Variants in PDZD2 observed in about 807,000 individuals in gnomAD.
PDZD2 encodes PDZ domain containing 2, also known as PDZ domain-containing protein 2.
Under a neutral mutation model 220.7 loss-of-function variants are expected in PDZD2, and 90 were observed. That is an observed-to-expected ratio of 0.41 (90% CI 0.34 to 0.49). The LOEUF is 0.49. Among genes scored for constraint, PDZD2 ranks in the 20% least tolerant of loss-of-function variants. The pLI is 0.28. For missense variants in PDZD2, 3,174 were observed against 3,608.5 expected, an observed-to-expected ratio of 0.88 and a Z score of 3.08; for synonymous variants, 1,375 against 1,450.5, an observed-to-expected ratio of 0.95 and a Z score of 1.18.
chr5:31,748,849 G>A (rs915810102), intron 1 of PDZD2, among the ~76,000 whole-genome samples: 3 of 152,200 alleles, frequency 2.0e-5, no homozygotes, highest in Non-Finnish European at 4.4e-5. Context: ...AGGTTACCTG[G>A]GCATTGCAAT....
rs1228710152 is a variant in PDZD2 at position 32,087,667 on chromosome 5, T to A, written c.4219T>A (p.Cys1407Ser). The A allele has an allele frequency of 6.2e-7, 1 of 1,614,054 alleles. No individual in the cohort carries two copies. Among genetic ancestry groups the A allele is most frequent in the Non-Finnish European group, 8.5e-7 (1 of 1,180,030 alleles). ...ATCCACTGACAACACCAAAGAAGCA[T>A]GTGGCCATGTCTCGGGGCACTGCTG... ...LPSTDNTKEA[C>S]GHVSGHCCPG... Residue 1407 changes from cysteine to serine, a missense_variant, in exon 20 of 25, where the codon TGT becomes AGT. Transcript: ENST00000438447. The surrounding 1 kb of genome is among the most constrained non-coding windows in gnomAD (Gnocchi z 4.0).
At position 32,090,361 on chromosome 5, in the gene PDZD2, A is replaced by G; in HGVS notation, c.6913A>G (p.Ser2305Gly). 2 of 1,614,204 alleles carry G rather than the reference A, an allele frequency of 1.2e-6. No homozygotes were observed. Among genetic ancestry groups the G allele is most frequent in the South Asian group, 2.2e-5 (2 of 91,086 alleles). ...EGDIISVQET[S>G]CLVTDKIKVT... ...GGATATCATTTCAGTCCAGGAGACGAGCTGCCTAGTCACAGACAAAATCAA... is the reference window on the plus strand; with the variant it reads ...GGATATCATTTCAGTCCAGGAGACGGGCTGCCTAGTCACAGACAAAATCAA... Residue 2305 changes from serine (S) to glycine (G), a missense_variant, in exon 20 of 25, where the codon AGC becomes GGC. Physicochemically the swap from Ser to Gly is moderately conservative, Grantham distance 56. This residue lies in a region of PDZD2 where 631 missense variants were observed against 789.9 expected (regional missense o/e 0.80). Transcript: ENST00000438447. This position sits in a 1 kb window ranked among gnomAD's most constrained non-coding sequence, Gnocchi z 4.3.
chr5:32,106,758 A>C (rs1401953210), intron 24 of PDZD2, among the ~76,000 whole-genome samples: 2 of 152,208 alleles, frequency 1.3e-5, no homozygotes, highest in African/African-American at 4.8e-5. Context: ...GACATTGGGT[A>C]CTAAGTTAAC....
chr5:32,017,800 G>A (rs954116733), intron 6 of PDZD2, among the ~76,000 whole-genome samples: 3 of 152,198 alleles, frequency 2.0e-5, no homozygotes, highest in Admixed American at 6.5e-5. Context: ...GGGAGTTGGT[G>A]AAGAAATAAG....
At chr5:31,847,827 G>T (rs1757675946) in intron 2 of PDZD2, 2 of 555,438 alleles carry the variant, frequency 3.6e-6, no homozygotes, top group Non-Finnish European at 7.1e-6. Context: ...CTGAAAGCAA[G>T]GAACTTAATG....
In PDZD2 at chr5:31,681,544, G is replaced by A. The variant is rs544873206; in HGVS notation, c.-361+42107G>A. ...ATTACAGGCGTGAGCCTATACATAT[G>A]TATAGGTTCCTCATATACATATACA... On this transcript the variant is annotated intron_variant, in intron 1 of 24. Transcript: ENST00000438447. 2.0e-4 allele frequency among the ~76,000 whole-genome samples: 30 copies of A among 151,908 alleles called. 1 individual carries two copies. In the South Asian group the frequency reaches 6.2e-3, roughly 32 times the overall value.
At chr5:32,021,862 G>T (rs1300968436) in intron 6 of PDZD2, among the ~76,000 whole-genome samples, 1 of 152,188 alleles carries the variant, frequency 6.6e-6, no homozygotes, top group Non-Finnish European at 1.5e-5. Flanking sequence ...GGTGGCCTTT[G>T]TGTCACCCAC....
At position 32,089,182 on chromosome 5, in the gene PDZD2, G is replaced by A; in HGVS notation, c.5734G>A (p.Asp1912Asn). 6.2e-7 allele frequency: 1 copy of A among 1,614,114 alleles called. No individual in the cohort carries two copies. The change falls in exon 20 of 25, where the codon GAC becomes AAC. Residue 1912 changes from aspartate (D) to asparagine (N), a missense_variant. Physicochemically the swap from Asp to Asn is conservative, Grantham distance 23 (BLOSUM62 1). This residue lies in a region of PDZD2 where 1,861 missense variants were observed against 2,001.0 expected (regional missense o/e 0.93). Transcript: ENST00000438447. ...GAATGCTGTGAAGGCTGGGGGGACG[G>A]ACCACAGGAAACCCTTGATCTCACC... ...AANAVKAGGTDHRKPLISPQT... is the reference protein window; with the variant it reads ...AANAVKAGGTNHRKPLISPQT...
chr5:32,102,505 T>C (rs927359360), intron 24 of PDZD2, among the ~76,000 whole-genome samples: 1 of 151,552 alleles, frequency 6.6e-6, no homozygotes, highest in Non-Finnish European at 1.5e-5. Flanking sequence ...GTCTCTGTTA[T>C]GTGTGAACCT....
chr5:31,999,359 A>G (rs866411930), intron 4 of PDZD2, among the ~76,000 whole-genome samples: 40 of 151,302 alleles, frequency 2.6e-4, no homozygotes, highest in Admixed American at 8.6e-4. Flanking sequence ...GATGAAAAAG[A>G]AGCAGAAACC....
chr5:31,676,275 C>T (rs1341703999), intron 1 of PDZD2, among the ~76,000 whole-genome samples: 1 of 152,072 alleles, frequency 6.6e-6, no homozygotes, highest in Non-Finnish European at 1.5e-5. Flanking sequence ...CAGTATGATC[C>T]CTGTATTTCA....
At chr5:31,754,218 C>T (rs1156810908) in intron 1 of PDZD2, 1 of 152,224 alleles carries the variant, frequency 6.6e-6, no homozygotes, top group Non-Finnish European at 1.5e-5. Flanking sequence ...ACTCATTGAT[C>T]CTCGCGCCCT....
intron 1 of PDZD2, among the ~76,000 whole-genome samples, chr5:31,674,704 T>C (rs939316556): frequency 6.6e-6 from 1 of 152,064 alleles, no homozygotes; most frequent in Non-Finnish European, 1.5e-5. Flanking sequence ...AATGTGTAAG[T>C]TGGAGAGGGA....
At chr5:31,993,300 T>C (rs888340326) in intron 3 of PDZD2, among the ~76,000 whole-genome samples, 6 of 152,198 alleles carry the variant, frequency 3.9e-5, no homozygotes, top group African/African-American at 1.2e-4. Context: ...CAGGCTTCAT[T>C]TGACTGTGGT....
intron 2 of PDZD2, among the ~76,000 whole-genome samples, chr5:31,870,132 T>C (rs10472790): frequency 0.24 from 36,787 of 152,116 alleles, 10,189 homozygotes; most frequent in African/African-American, 0.68. Flanking sequence ...CCTCCGGAGT[T>C]CCCTAGCTCT....
At chr5:32,023,332 C>T (rs1455550450) in intron 6 of PDZD2, among the ~76,000 whole-genome samples, 2 of 152,116 alleles carry the variant, frequency 1.3e-5, no homozygotes, top group East Asian at 1.9e-4. Context: ...CCCAGACAGC[C>T]TCTCCTTCCT....
intron 4 of PDZD2, among the ~76,000 whole-genome samples, chr5:31,999,578 C>T (rs1751935861): frequency 6.6e-6 from 1 of 152,144 alleles, no homozygotes. Context: ...GAGTGAGAGA[C>T]TTTACCCTCT....
At position 31,973,457 on chromosome 5, in the gene PDZD2, C is replaced by A. The variant is rs568312191; in HGVS notation, c.477-9698C>A. 2.0e-5 allele frequency among the ~76,000 whole-genome samples: 3 copies of A among 152,292 alleles called. No individual in the cohort carries two copies. The South Asian group carries it at 6.2e-4, about 32-fold the overall frequency. ...TTCTCCCTCTTCGTACTCCTTAAATCTAGGAGCTCTTAGCAGTAAACAGAA... is the reference window on the plus strand; with the variant it reads ...TTCTCCCTCTTCGTACTCCTTAAATATAGGAGCTCTTAGCAGTAAACAGAA... On this transcript the variant is annotated intron_variant, in intron 2 of 24. Transcript: ENST00000438447.
rs951933267 is a variant in PDZD2, at chr5:32,088,192, T to C, written c.4744T>C (p.Ser1582Pro). ...CAGGGACGGCTGGTCCCCTCCTCGTTCCCGTGTGTCTTTGCACAAGGAAGA... is the reference window on the plus strand; with the variant it reads ...CAGGGACGGCTGGTCCCCTCCTCGTCCCCGTGTGTCTTTGCACAAGGAAGA... Reference protein sequence around the residue: ...SARDGWSPPRSRVSLHKEDPS... With the variant: ...SARDGWSPPRPRVSLHKEDPS... Residue 1582 changes from serine (S) to proline (P), a missense_variant, in exon 20 of 25, where the codon TCC (serine) becomes CCC (proline). Physicochemically the swap from Ser to Pro is moderately conservative, Grantham distance 74 (BLOSUM62 -1). Transcript: ENST00000438447. This position sits in a 1 kb window ranked among gnomAD's most constrained non-coding sequence, Gnocchi z 4.6. 1.2e-6 allele frequency: 2 copies of C among 1,614,064 alleles called. No homozygotes were observed. Among genetic ancestry groups the C allele is most frequent in the South Asian group, 2.2e-5 (2 of 91,074 alleles).
Sources: allele counts gnomAD v4.1 joint callset (sites outside exome capture counted in the v4.1 genomes callset), GRCh38; gene constraint gnomAD v4.1.1; regional missense constraint gnomAD v4.1.1; non-coding constraint Gnocchi (gnomAD v3.1); transcripts MANE v1.5; gene names NCBI Gene and HGNC (gene_info 2026-07-23, HGNC 2026-07-21).